Variants in SCHIP1 observed in about 807,000 individuals in gnomAD.
SCHIP1 encodes schwannomin-interacting protein 1.
SCHIP1 carries 8 observed loss-of-function variants against 29.7 expected under a neutral mutation model. That is an observed-to-expected ratio of 0.27 (90% CI 0.16 to 0.49). SCHIP1 has a LOEUF of 0.49. Ranked by LOEUF, SCHIP1 falls within the 20% of genes least tolerant of loss-of-function variation. The pLI, the probability that SCHIP1 is intolerant of heterozygous loss-of-function variation, is 0.99. For synonymous variants in SCHIP1, 76 were observed against 94.9 expected (o/e 0.80, Z 1.16); for missense variants, 193 against 294.6 (o/e 0.66, Z 2.52).
At chr3:159,273,895 A>C in the SCHIP1 span, 20 of 1,613,142 alleles carry the variant, frequency 1.2e-5, no homozygotes, top group Non-Finnish European at 1.7e-5. Flanking sequence ...TAAGTTTTAC[A>C]AATGTCTACC....
the SCHIP1 span, among the ~76,000 whole-genome samples, chr3:159,535,439 A>G: frequency 2.0e-5 from 3 of 152,186 alleles, no homozygotes; most frequent in Non-Finnish European, 4.4e-5. Context: ...GACCCTGAGC[A>G]TCAGCCTTGA....
chr3:159,883,451 G>T (rs1716647205), intron 2 of SCHIP1, among the ~76,000 whole-genome samples: 1 of 152,174 alleles, frequency 6.6e-6, no homozygotes, highest in Non-Finnish European at 1.5e-5. Context: ...TGGAACAGGG[G>T]TTATCTGTTC....
At chr3:159,595,562 G>T in the SCHIP1 span, among the ~76,000 whole-genome samples, 1 of 152,208 alleles carries the variant, frequency 6.6e-6, no homozygotes, top group Middle Eastern at 3.4e-3. Context: ...CAAGACAATG[G>T]TCAGAGTTCC....
chr3:159,784,612 C>T, the SCHIP1 span, among the ~76,000 whole-genome samples: 1 of 152,182 alleles, frequency 6.6e-6, no homozygotes, highest in African/African-American at 2.4e-5. Flanking sequence ...TTAACTTAAG[C>T]CTTGTGCTGC....
the SCHIP1 span, among the ~76,000 whole-genome samples, chr3:159,314,329 G>T: frequency 2.0e-5 from 3 of 152,112 alleles, no homozygotes; most frequent in African/African-American, 7.2e-5. Context: ...TCAAATAAGT[G>T]CTCTTCATAT....
intron 1 of SCHIP1, among the ~76,000 whole-genome samples, chr3:159,854,552 G>A (rs183400563): frequency 6.6e-6 from 1 of 152,262 alleles, no homozygotes; most frequent in East Asian, 1.9e-4. Context: ...CCCAAGACAG[G>A]AATGAGCACC....
In SCHIP1 at chr3:159,874,790, G is replaced by C. The variant is rs191218621; in HGVS notation, c.149+8509G>C. The stretch of plus-strand genomic sequence containing the variant: ...AAAGAGGTTGTCTAGTTCCAACTCA[G>C]TGAAATTGCCTGTCTGTGGCATCTT... On this transcript the variant is annotated intron_variant, in intron 2 of 6. Coordinates refer to ENST00000445224, the Ensembl canonical transcript of SCHIP1. Among the ~76,000 whole-genome samples the C allele has an allele frequency of 1.2e-4, 19 of 152,320 alleles. No individual in the cohort carries two copies. The East Asian group carries it at 3.3e-3, about 26-fold the overall frequency.
the SCHIP1 span, among the ~76,000 whole-genome samples, chr3:159,815,060 C>A: frequency 1.3e-5 from 2 of 152,192 alleles, no homozygotes; most frequent in East Asian, 3.9e-4. Flanking sequence ...AGGAAGACTT[C>A]TTGCTGCGGA....
the SCHIP1 span, among the ~76,000 whole-genome samples, chr3:159,394,975 T>G: frequency 2.6e-5 from 4 of 152,372 alleles, no homozygotes; most frequent in Non-Finnish European, 5.9e-5. Context: ...AGCTATTGAT[T>G]ATTTTCACAA....
chr3:159,441,274 G>C, the SCHIP1 span, among the ~76,000 whole-genome samples: 1 of 152,098 alleles, frequency 6.6e-6, no homozygotes, highest in African/African-American at 2.4e-5. Context: ...GTTTTTATCA[G>C]GTTGCCAGAG....
chr3:159,624,120 T>A, the SCHIP1 span, among the ~76,000 whole-genome samples: 1 of 152,336 alleles, frequency 6.6e-6, no homozygotes, highest in South Asian at 2.1e-4. Flanking sequence ...TAATGGTTAC[T>A]CTTTATTGGC....
At chr3:159,763,091 CGGAGG>C in the SCHIP1 span, among the ~76,000 whole-genome samples, 2 of 152,152 alleles carry the variant, frequency 1.3e-5, no homozygotes, top group African/African-American at 4.8e-5. Context: ...GCGTGCAGCC[CGGAGG>C]GGAAGGGAAA....
At chr3:159,585,954 T>TTGGA in the SCHIP1 span, among the ~76,000 whole-genome samples, 2 of 152,068 alleles carry the variant, frequency 1.3e-5, no homozygotes, top group Non-Finnish European at 2.9e-5. Context: ...CATAATATTA[T>TTGGA]TGGATGGATG....
the SCHIP1 span, among the ~76,000 whole-genome samples, chr3:159,582,583 C>T: frequency 1.8e-4 from 27 of 152,022 alleles, no homozygotes; most frequent in African/African-American, 3.1e-4. Context: ...AATTAAAGTA[C>T]GTACATTAGG....
At chr3:159,585,086 A>T in the SCHIP1 span, among the ~76,000 whole-genome samples, 2 of 149,716 alleles carry the variant, frequency 1.3e-5, no homozygotes, top group South Asian at 4.2e-4. Flanking sequence ...CGCATCTACC[A>T]GCACTTCTGA....
chr3:159,877,397 TAG>T (rs1715937621), intron 2 of SCHIP1, among the ~76,000 whole-genome samples: 1 of 152,190 alleles, frequency 6.6e-6, no homozygotes, highest in African/African-American at 2.4e-5. Flanking sequence ...CCATGCTTCA[TAG>T]AATCAATGCA....
the SCHIP1 span, among the ~76,000 whole-genome samples, chr3:159,701,309 T>G: frequency 6.6e-6 from 1 of 152,334 alleles, no homozygotes; most frequent in South Asian, 2.1e-4. Context: ...AGTTTTGTGT[T>G]CATAGCAAAA....
the SCHIP1 span, among the ~76,000 whole-genome samples, chr3:159,534,201 G>T: frequency 6.6e-6 from 1 of 152,118 alleles, no homozygotes; most frequent in African/African-American, 2.4e-5. Context: ...GCAAGGGTCA[G>T]CCTCTTGCCA....
At chr3:159,585,110 G>GCT in the SCHIP1 span, among the ~76,000 whole-genome samples, 30,862 of 151,444 alleles carry the variant, frequency 0.2, 8,566 homozygotes, top group African/African-American at 0.63. Flanking sequence ...TCTCTTTCCT[G>GCT]CTTTTTGTTT....
Sources: gnomAD v4.1 joint callset for allele counts (sites outside exome capture counted in the v4.1 genomes callset) on GRCh38, gnomAD v4.1.1 for gene constraint, MANE v1.5 for transcripts, NCBI Gene and HGNC (gene_info 2026-07-23, HGNC 2026-07-21) for gene names.